The following G3BP2 variants were observed in gnomAD, a reference collection of about 807,000 sequenced individuals.
The protein encoded by G3BP2 is ras GTPase-activating protein-binding protein 2.
G3BP2 carries 11 observed loss-of-function variants against 56.7 expected under a neutral mutation model. The ratio of observed to expected loss-of-function variants is 0.19; its 90% confidence interval spans 0.12 to 0.32. The LOEUF (loss-of-function observed/expected upper bound fraction) is 0.32, where lower values mean the gene tolerates loss of function less well. G3BP2 is among the 10% of genes least tolerant of loss of function. The pLI is 1.00. For missense variants in G3BP2, 340 were observed against 610.9 expected, an observed-to-expected ratio of 0.56 and a Z score of 4.67; for synonymous variants, 165 against 191.6, an observed-to-expected ratio of 0.86 and a Z score of 1.15.
chr4:75,659,004 T>C (rs1732335568), intron 2 of G3BP2, 80 bp from the exon 3 acceptor site: 1 of 1,057,674 alleles, frequency 9.5e-7, no homozygotes. Context: ...ATAGACTAGG[T>C]TCCGGATCCC....
chr4:75,684,501 T>G (rs977201471), intron 3 of G3BP2, among the ~76,000 whole-genome samples: 2 of 152,124 alleles, frequency 1.3e-5, no homozygotes, highest in Non-Finnish European at 1.5e-5. Context: ...TAAATGTATT[T>G]ATTTAAATGT....
At chr4:75,649,480 A>C (rs891782207) in intron 8 of G3BP2, among the ~76,000 whole-genome samples, 1 of 152,216 alleles carries the variant, frequency 6.6e-6, no homozygotes, top group Non-Finnish European at 1.5e-5. Flanking sequence ...GATGCCTCCC[A>C]AAAGTTTCTG....
chr4:75,666,729 A>G (rs1442286355), intron 1 of G3BP2, among the ~76,000 whole-genome samples: 2 of 152,246 alleles, frequency 1.3e-5, no homozygotes, highest in East Asian at 3.8e-4. Context: ...TCAGAATAAA[A>G]GTGATTACAA....
rs1180946886 is a variant in G3BP2 at position 75,646,370 on chromosome 4, A to G, written c.1144T>C (p.Ser382Pro). 6.3e-7 allele frequency: 1 copy of G among 1,580,338 alleles called. No individual in the cohort carries two copies. Among genetic ancestry groups the G allele is most frequent in the African/African-American group, 1.4e-5 (1 of 73,860 alleles). ...ATTAAGATTCTCTGAACTGGTTCAG[A>G]GTCATCAAAAACCACAAAACCAAAA... ...PNFGFVVFDDSEPVQRILIAK... is the reference protein window; with the variant it reads ...PNFGFVVFDDPEPVQRILIAK... Residue 382 changes from serine (S) to proline (P), a missense_variant, in exon 11 of 12, where the codon TCT becomes CCT. Physicochemically the swap from Ser to Pro is moderately conservative, Grantham distance 74. This residue lies in a region of G3BP2 where 94 missense variants were observed against 173.8 expected (regional missense o/e 0.54). Coordinates refer to ENST00000359707, the MANE Select transcript of G3BP2 (RefSeq NM_203505.3).
Position 75,648,684 on chromosome 4 carries a change from G to T in G3BP2, c.883C>A (p.Arg295=). The stretch of plus-strand genomic sequence containing the variant: ...GGAAAACCAGGTCGTTCTCTAGGTC[G>T]TTGTTCACGCACACGAGGTGGCTGA... The part of the protein sequence containing the change: ...QSQPPRVREQ[R]PRERPGFPPR... The change falls in exon 9 of 12, where the codon CGA becomes AGA. Residue 295 remains arginine, a synonymous_variant. Coordinates refer to ENST00000359707, the MANE Select transcript of G3BP2 (RefSeq NM_203505.3). The T allele has an allele frequency of 6.2e-7, 1 of 1,611,176 alleles. No homozygotes were observed. The highest frequency in any genetic ancestry group is 1.3e-5 in the African/African-American group (1 of 74,956).
chr4:75,720,034 T>TTTTTTTTTTTTTTTG (rs1577909354), intron 3 of G3BP2, among the ~76,000 whole-genome samples: 3 of 146,258 alleles, frequency 2.1e-5, no homozygotes, highest in Admixed American at 6.9e-5. Flanking sequence ...TTTTTTTTTT[T>TTTTTTTTTTTTTTTG]GAGAAAGGGT....
chr4:75,707,446 A>G lies in G3BP2; in HGVS notation c.-25+13431T>C, dbSNP rs564802586. ...GCCACGGTGAAACCCCGTCTCTACT[A>G]AAAATACAAAAAATTAGCCGGGCAT... On this transcript the variant is annotated intron_variant, in intron 3 of 3. Transcript: ENST00000499709. Among the ~76,000 whole-genome samples the G allele has an allele frequency of 1.9e-3, 286 of 152,022 alleles. 3 individuals carry two copies. The highest frequency in any genetic ancestry group is 3.3e-3 in the Non-Finnish European group (226 of 67,964).
At chr4:75,648,236 T>C (rs986981952) in intron 9 of G3BP2, among the ~76,000 whole-genome samples, 1 of 151,432 alleles carries the variant, frequency 6.6e-6, no homozygotes, top group Non-Finnish European at 1.5e-5. Context: ...TAATCCCAGC[T>C]ACTTGGGAGG....
At chr4:75,675,244 T>A (rs1321278967), upstream of G3BP2, among the ~76,000 whole-genome samples, 1 of 152,204 alleles carries the variant, frequency 6.6e-6, no homozygotes, top group Non-Finnish European at 1.5e-5. Context: ...CCTTCAAGTG[T>A]TTCCGGTTTG....
At chr4:75,712,076 T>C (rs1382525909) in intron 3 of G3BP2, among the ~76,000 whole-genome samples, 1 of 152,170 alleles carries the variant, frequency 6.6e-6, no homozygotes, top group Admixed American at 6.6e-5. Context: ...TGATAACTGT[T>C]TGAGGTGATA....
upstream of G3BP2, among the ~76,000 whole-genome samples, chr4:75,677,807 G>A (rs1733933546): frequency 6.6e-6 from 1 of 152,170 alleles, no homozygotes; most frequent in Admixed American, 6.5e-5. Context: ...TGATGCTGTG[G>A]ATTGAATGTA....
At chr4:75,701,572 G>A (rs1392105397) in intron 3 of G3BP2, among the ~76,000 whole-genome samples, 2 of 152,114 alleles carry the variant, frequency 1.3e-5, no homozygotes, top group African/African-American at 2.4e-5. Flanking sequence ...GGGATTACAG[G>A]CATGCACCAC....
upstream of G3BP2, among the ~76,000 whole-genome samples, chr4:75,676,549 G>C (rs1022046088): frequency 2.6e-5 from 4 of 151,988 alleles, no homozygotes; most frequent in African/African-American, 9.7e-5. Context: ...CACCATGTTG[G>C]CCAGGTTGAT....
chr4:75,681,354 A>C (rs1734067553), intron 3 of G3BP2, among the ~76,000 whole-genome samples: 1 of 148,746 alleles, frequency 6.7e-6, no homozygotes, highest in East Asian at 2.0e-4. Flanking sequence ...ATATAGTCAA[A>C]TTCAGAAGGA....
At chr4:75,702,816 C>T (rs1719399432) in intron 3 of G3BP2, among the ~76,000 whole-genome samples, 1 of 152,202 alleles carries the variant, frequency 6.6e-6, no homozygotes, top group South Asian at 2.1e-4. Flanking sequence ...ATGAAGTAAA[C>T]TGCACTATAA....
intron 3 of G3BP2, among the ~76,000 whole-genome samples, chr4:75,690,710 C>A (rs1399648335): frequency 6.6e-6 from 1 of 151,888 alleles, no homozygotes; most frequent in Non-Finnish European, 1.5e-5. Flanking sequence ...TACCTGGGAC[C>A]ACAGGTATGC....
At chr4:75,672,160 C>G (rs1282204065) in intron 1 of G3BP2, among the ~76,000 whole-genome samples, 1 of 151,964 alleles carries the variant, frequency 6.6e-6, no homozygotes. Context: ...GTGCAAGTGC[C>G]TTTTTTTTGT....
chr4:75,667,670 C>G (rs950797005), intron 1 of G3BP2, among the ~76,000 whole-genome samples: 10 of 152,168 alleles, frequency 6.6e-5, no homozygotes, highest in African/African-American at 2.4e-4. Flanking sequence ...GCAGGAGGAT[C>G]ACAAGGTCAG....
intron 3 of G3BP2, among the ~76,000 whole-genome samples, chr4:75,682,283 C>T (rs1734109460): frequency 6.6e-6 from 1 of 151,580 alleles, no homozygotes; most frequent in Admixed American, 6.6e-5. Flanking sequence ...GGTGTGGTGG[C>T]ACACGCCTGT....
Sources: gnomAD v4.1 joint callset for allele counts (sites outside exome capture counted in the v4.1 genomes callset) on GRCh38, gnomAD v4.1.1 for gene constraint, gnomAD v4.1.1 regional missense constraint, MANE v1.5 for transcripts, NCBI Gene and HGNC (gene_info 2026-07-23, HGNC 2026-07-21) for gene names.